BTBD10: variants seen among roughly 807,000 people sequenced by gnomAD.
The protein encoded by BTBD10 is BTB domain containing 10.
Under a neutral mutation model 53.2 loss-of-function variants are expected in BTBD10, and 21 were observed. The ratio of observed to expected loss-of-function variants is 0.39; its 90% confidence interval spans 0.28 to 0.57. The LOEUF (loss-of-function observed/expected upper bound fraction) is 0.57. Among genes scored for constraint, BTBD10 ranks in the 20% least tolerant of loss-of-function variants. BTBD10 has a pLI of 0.53. For missense variants in BTBD10, 360 were observed against 594.7 expected (o/e 0.61, Z 4.10); for synonymous variants, 149 against 192.7 (o/e 0.77, Z 1.88).
intron 8 of BTBD10, among the ~76,000 whole-genome samples, chr11:13,400,966 T>G (rs1320954593): frequency 2.0e-5 from 3 of 152,282 alleles, no homozygotes. Flanking sequence ...AGATTGAATG[T>G]TGGTTTAGAG....
At chr11:13,420,871 CT>C (rs1414907808) in intron 3 of BTBD10, among the ~76,000 whole-genome samples, 1 of 152,158 alleles carries the variant, frequency 6.6e-6, no homozygotes, top group East Asian at 1.9e-4. Flanking sequence ...CTAATTTATA[CT>C]TTTGTTGATG....
At chr11:13,423,798 C>T (rs888000927) in intron 2 of BTBD10, among the ~76,000 whole-genome samples, 2 of 152,220 alleles carry the variant, frequency 1.3e-5, no homozygotes, top group South Asian at 2.1e-4. Context: ...AATACCAGGA[C>T]AGAAGATAAA....
At chr11:13,449,932 G>A (rs2134044708) in intron 1 of BTBD10, among the ~76,000 whole-genome samples, 1 of 152,298 alleles carries the variant, frequency 6.6e-6, no homozygotes, top group Non-Finnish European at 1.5e-5. Flanking sequence ...TTACAATGGG[G>A]ATAAAGTTTC....
At chr11:13,396,737 G>C (rs540549431) in intron 8 of BTBD10, among the ~76,000 whole-genome samples, 8 of 152,140 alleles carry the variant, frequency 5.3e-5, no homozygotes, top group African/African-American at 1.7e-4. Flanking sequence ...TTTATTGAGA[G>C]TTTTTAGCAT....
At chr11:13,400,994 A>G (rs916056093) in intron 8 of BTBD10, among the ~76,000 whole-genome samples, 8 of 152,154 alleles carry the variant, frequency 5.3e-5, no homozygotes, top group Non-Finnish European at 1.0e-4. Context: ...CTAAAAGGAA[A>G]TTTGGGGAGA....
At chr11:13,394,310 G>A (rs1208621806) in intron 8 of BTBD10, among the ~76,000 whole-genome samples, 2 of 152,112 alleles carry the variant, frequency 1.3e-5, no homozygotes, top group Non-Finnish European at 2.9e-5. Context: ...TTTCTACCAT[G>A]CTGTTCTTGT....
At chr11:13,417,972 C>G (rs1425968447) in intron 4 of BTBD10, among the ~76,000 whole-genome samples, 1 of 152,042 alleles carries the variant, frequency 6.6e-6, no homozygotes, top group Non-Finnish European at 1.5e-5. Context: ...TTAGAAAAGA[C>G]ACAATTTCCA....
chr11:13,406,609 G>A lies in BTBD10; in HGVS notation c.809-753C>T, dbSNP rs549979738. ...AGAGAAACAGAGAGTGAGCCAGAGAGAGAGACAGTGTGTGTGTGTGTGTGT... is the reference window on the plus strand; with the variant it reads ...AGAGAAACAGAGAGTGAGCCAGAGAAAGAGACAGTGTGTGTGTGTGTGTGT... On this transcript the variant is annotated intron_variant, in intron 6 of 8. Transcript: ENST00000278174. Among the ~76,000 whole-genome samples the A allele has an allele frequency of 7.7e-5, 8 of 103,486 alleles. No individual in the cohort carries two copies. The South Asian group carries it at 1.5e-3, about 20-fold the overall frequency. 67.9% of individuals were successfully genotyped at this position (103,486 alleles called of 152,430 possible). A position where few individuals can be genotyped will look rare whatever the true frequency, so the allele number is the denominator to read the frequency against.
At chr11:13,444,989 A>T (rs1950726137) in intron 2 of BTBD10, 35 bp downstream of exon 2, 1 of 1,522,042 alleles carries the variant, frequency 6.6e-7, no homozygotes, top group Non-Finnish European at 9.1e-7. Context: ...TTTTTAGCAG[A>T]GCTTTCATAT....
At chr11:13,438,366 C>T (rs1180341073) in intron 2 of BTBD10, among the ~76,000 whole-genome samples, 1 of 151,980 alleles carries the variant, frequency 6.6e-6, no homozygotes, top group Non-Finnish European at 1.5e-5. Context: ...ATCAATATTA[C>T]ATTTTTACTT....
rs1591165351 is a variant in BTBD10, at chr11:13,445,187, T to C, written c.-57-6A>G. The C allele has an allele frequency of 8.6e-7, 1 of 1,166,086 alleles. No individual in the cohort carries two copies. The highest frequency in any genetic ancestry group is 1.3e-6 in the Non-Finnish European group (1 of 778,376). The allele number at this position is 1,166,086 out of a possible 1,614,324, so 72.2% of individuals were successfully genotyped here. A position where few individuals can be genotyped will look rare whatever the true frequency, so the allele number is the denominator to read the frequency against. ...ACACATGTAGCACCCATAACCTACA[T>C]AAAAGAGCAGTGTTGACCTTTAAAT... is the stretch of plus-strand genomic sequence containing the variant. On this transcript the variant is annotated splice_region_variant and splice_polypyrimidine_tract_variant and intron_variant, in intron 1 of 8. Transcript: ENST00000278174.
At chr11:13,391,967 AAGACAGAC>A (rs757480505) in intron 8 of BTBD10, among the ~76,000 whole-genome samples, 6 of 152,146 alleles carry the variant, frequency 3.9e-5, no homozygotes, top group African/African-American at 1.2e-4. Flanking sequence ...AGATAGACAG[AAGACAGAC>A]AGACAGACAG....
intron 8 of BTBD10, among the ~76,000 whole-genome samples, chr11:13,393,640 T>G (rs1002927047): frequency 6.6e-6 from 1 of 152,130 alleles, no homozygotes; most frequent in Non-Finnish European, 1.5e-5. Context: ...ATAGAAGCAG[T>G]TATTGAAAAA....
chr11:13,396,196 G>C (rs1280775329), intron 8 of BTBD10, among the ~76,000 whole-genome samples: 1 of 152,110 alleles, frequency 6.6e-6, no homozygotes, highest in Non-Finnish European at 1.5e-5. Flanking sequence ...CCATTTGTTT[G>C]TATCCTCTTT....
intron 2 of BTBD10, among the ~76,000 whole-genome samples, chr11:13,443,585 G>T (rs952567965): frequency 2.0e-5 from 3 of 150,568 alleles, no homozygotes; most frequent in Non-Finnish European, 4.4e-5. Context: ...CACATTTAAT[G>T]TGATAAAACC....
chr11:13,439,298 T>G (rs545400289), intron 2 of BTBD10, among the ~76,000 whole-genome samples: 4 of 152,218 alleles, frequency 2.6e-5, no homozygotes, highest in African/African-American at 9.6e-5. Flanking sequence ...TTAGAAATTT[T>G]GTCTGGTTGA....
chr11:13,395,656 G>A (rs1030383490), intron 8 of BTBD10, among the ~76,000 whole-genome samples: 1 of 152,100 alleles, frequency 6.6e-6, no homozygotes, highest in Non-Finnish European at 1.5e-5. Context: ...TTCTTCTAGG[G>A]TTTTTATGGT....
At chr11:13,401,005 C>A (rs1214559329) in intron 8 of BTBD10, among the ~76,000 whole-genome samples, 4 of 151,878 alleles carry the variant, frequency 2.6e-5, no homozygotes, top group Non-Finnish European at 5.9e-5. Flanking sequence ...TTTGGGGAGA[C>A]CACTGAGAAA....
At chr11:13,425,853 A>G (rs1950328020) in intron 2 of BTBD10, among the ~76,000 whole-genome samples, 1 of 152,226 alleles carries the variant, frequency 6.6e-6, no homozygotes, top group East Asian at 1.9e-4. Flanking sequence ...AATATGTATA[A>G]TTATTACATG....
Sources: gnomAD v4.1 joint callset for allele counts (sites outside exome capture counted in the v4.1 genomes callset) on GRCh38, gnomAD v4.1.1 for gene constraint, MANE v1.5 for transcripts, NCBI Gene and HGNC (gene_info 2026-07-23, HGNC 2026-07-21) for gene names.